Variants in ANKS1B observed in about 807,000 individuals in gnomAD.
ANKS1B encodes the protein ankyrin repeat and sterile alpha motif domain-containing protein 1B.
In ANKS1B, 36 loss-of-function variants were observed where a neutral mutation model predicts 148.3. The ratio of observed to expected loss-of-function variants is 0.24; its 90% CI spans 0.19 to 0.32. The LOEUF is 0.32. Ranked by LOEUF, ANKS1B falls within the 10% of genes least tolerant of loss-of-function variation. The pLI, the probability that ANKS1B is intolerant of heterozygous loss-of-function variation, is 1.00. For synonymous variants in ANKS1B, 542 were observed against 560.8 expected, an observed-to-expected ratio of 0.97 and a Z score of 0.47; for missense variants, 1,157 against 1,542.6, an observed-to-expected ratio of 0.75 and a Z score of 4.19.
In ANKS1B at chr12:98,736,175, T is replaced by A. The variant is rs58145072; in HGVS notation, c.691-541A>T. 5.8e-3 allele frequency among the ~76,000 whole-genome samples: 886 copies of A among 152,280 alleles called. 10 individuals are homozygous for A. The highest frequency in any genetic ancestry group is 0.02 in the African/African-American group (849 of 41,546). On this transcript the variant is annotated intron_variant, in intron 9 of 9. Transcript: ENST00000341752. ...TAGGAGTTTTGAGCAGTGGTCTGAT[T>A]TAAGCTTTAACGAATCACCCAGGCA...
intron 9 of ANKS1B, among the ~76,000 whole-genome samples, chr12:99,553,991 T>C (rs539207937): frequency 6.6e-6 from 1 of 152,266 alleles, no homozygotes; most frequent in African/African-American, 2.4e-5. Context: ...GGGGTCACAA[T>C]GTAAGTCTTC....
At chr12:99,454,247 G>GA (rs2095808230) in intron 10 of ANKS1B, among the ~76,000 whole-genome samples, 2 of 152,066 alleles carry the variant, frequency 1.3e-5, no homozygotes, top group Admixed American at 1.3e-4. Flanking sequence ...TTCTATTTAG[G>GA]AAAAAAAGTC....
At chr12:99,170,962 G>A (rs1406367943) in intron 14 of ANKS1B, among the ~76,000 whole-genome samples, 1 of 152,168 alleles carries the variant, frequency 6.6e-6, no homozygotes, top group Non-Finnish European at 1.5e-5. Flanking sequence ...TATTTTTGAA[G>A]GTACTGGTTT....
At chr12:99,222,844 T>C (rs1221271949) in intron 14 of ANKS1B, among the ~76,000 whole-genome samples, 1 of 152,182 alleles carries the variant, frequency 6.6e-6, no homozygotes, top group Non-Finnish European at 1.5e-5. Context: ...CTTCTAACAC[T>C]GGAAATTCAA....
intron 1 of ANKS1B, among the ~76,000 whole-genome samples, chr12:99,842,918 A>T (rs992056780): frequency 6.6e-6 from 1 of 152,188 alleles, no homozygotes; most frequent in East Asian, 1.9e-4. Flanking sequence ...ATAACTATTT[A>T]GTTCGTCTAC....
At chr12:98,758,779 C>CTTT (rs2098327546) in intron 25 of ANKS1B, among the ~76,000 whole-genome samples, 1 of 114,682 alleles carries the variant, frequency 8.7e-6, no homozygotes, top group African/African-American at 3.5e-5. Flanking sequence ...TCTTTTCCTT[C>CTTT]CTTTTTTTTT....
intron 9 of ANKS1B, among the ~76,000 whole-genome samples, chr12:99,526,924 G>A (rs957682935): frequency 6.6e-6 from 1 of 152,164 alleles, no homozygotes; most frequent in African/African-American, 2.4e-5. Context: ...CCAATGACAA[G>A]TGTCGTTATA....
intron 20 of ANKS1B, among the ~76,000 whole-genome samples, chr12:98,807,358 TA>T (rs1381722588): frequency 5.9e-5 from 9 of 152,032 alleles, no homozygotes; most frequent in East Asian, 5.8e-4. Flanking sequence ...CACATTTGCA[TA>T]AAATGTATAC....
Position 99,504,553 on chromosome 12 carries a change from A to C in ANKS1B, c.1361T>G (p.Leu454Arg). Residue 454 changes from leucine to arginine, a missense_variant, in exon 10 of 27, where the codon CTG becomes CGG. Physicochemically the swap from Leu to Arg is moderately radical, Grantham distance 102. This residue lies in a region of ANKS1B where 661 missense variants were observed against 642.1 expected (regional missense o/e 1.03). Transcript: ENST00000683438. Reference sequence around the variant, plus strand: ...AACAGCTGTGTCCATGAGATCACACAGAAAGTTCTCATTTTCTGAAGGAAA... The same window carrying C: ...AACAGCTGTGTCCATGAGATCACACCGAAAGTTCTCATTTTCTGAAGGAAA... ...DTFPSENENFLCDLMDTAVTK... is the reference protein window; with the variant it reads ...DTFPSENENFRCDLMDTAVTK... 6.2e-7 allele frequency: 1 copy of C among 1,613,072 alleles called. No homozygotes were observed. Among genetic ancestry groups the C allele is most frequent in the Admixed American group, 1.7e-5 (1 of 59,814 alleles).
chr12:99,270,667 G>A (rs1429509911), intron 12 of ANKS1B, among the ~76,000 whole-genome samples: 1 of 152,054 alleles, frequency 6.6e-6, no homozygotes, highest in African/African-American at 2.4e-5. Context: ...CTTAATATCA[G>A]CCTCATCTTC....
At chr12:99,356,388 T>G (rs2152410495) in intron 12 of ANKS1B, among the ~76,000 whole-genome samples, 1 of 152,214 alleles carries the variant, frequency 6.6e-6, no homozygotes, top group African/African-American at 2.4e-5. Flanking sequence ...CCAAAGTGGG[T>G]GCTGCTGACC....
In ANKS1B at chr12:98,866,051, GGTACT is replaced by G. The variant is rs577002842; in HGVS notation, c.2779-33920_2779-33916del. ...TCTAGGTTGTTGTTGTTCTTGTTAAGGTACTAAGCCCCTCCCAAAGGCCCCACCTC... is the reference window on the plus strand; with the variant it reads ...TCTAGGTTGTTGTTGTTCTTGTTAAGAAGCCCCTCCCAAAGGCCCCACCTC... On this transcript the variant is annotated intron_variant, in intron 17 of 26. Coordinates refer to ENST00000683438, the MANE Select transcript of ANKS1B (RefSeq NM_001352186.2). Among the ~76,000 whole-genome samples, 875 of 152,188 alleles carry G rather than the reference GGTACT, an allele frequency of 5.7e-3. 5 individuals carry two copies. Among genetic ancestry groups the G allele is most frequent in the Middle Eastern group, 0.02 (6 of 294 alleles).
At position 99,825,364 on chromosome 12, in the gene ANKS1B, A is replaced by G. The variant is rs1421783862; in HGVS notation, c.160T>C (p.Cys54Arg). 6.2e-7 allele frequency: 1 copy of G among 1,612,078 alleles called. No homozygotes were observed. Among genetic ancestry groups the G allele is most frequent in the Non-Finnish European group, 8.5e-7 (1 of 1,179,086 alleles). ...LSIWRGPNVN[C>R]TDSSGYTALH... is the part of the protein sequence containing the mutation. The stretch of plus-strand genomic sequence containing the variant: ...GCAGTGTAACCCGAACTGTCTGTGC[A>G]GTTCACATTGGGGCCTCGCCAGATG... Residue 54 changes from cysteine (C) to arginine (R), a missense_variant, in exon 2 of 27, where the codon TGC (cysteine) becomes CGC (arginine). Coordinates refer to ENST00000683438, the MANE Select transcript of ANKS1B (RefSeq NM_001352186.2).
At chr12:98,971,309 T>C (rs964257727) in intron 17 of ANKS1B, among the ~76,000 whole-genome samples, 3 of 152,250 alleles carry the variant, frequency 2.0e-5, no homozygotes, top group African/African-American at 7.2e-5. Context: ...ATGCCTGATG[T>C]AAATATTTGT....
chr12:99,828,666 T>C (rs975252972), intron 1 of ANKS1B, among the ~76,000 whole-genome samples: 1 of 151,772 alleles, frequency 6.6e-6, no homozygotes, highest in Non-Finnish European at 1.5e-5. Flanking sequence ...GTAAGAACAA[T>C]GAAATAAAAA....
chr12:98,884,287 T>C (rs750349624), intron 17 of ANKS1B, among the ~76,000 whole-genome samples: 2 of 152,358 alleles, frequency 1.3e-5, no homozygotes, highest in African/African-American at 2.4e-5. Flanking sequence ...TAACCTGTTA[T>C]TTTTATTTTT....
chr12:99,649,936 T>C (rs1223648618), intron 9 of ANKS1B: 1 of 154,390 alleles, frequency 6.5e-6, no homozygotes, highest in African/African-American at 2.4e-5. Context: ...CTGGATTGAC[T>C]CTGCAGTAAT....
chr12:99,331,105 TA>T (rs2087453900), intron 12 of ANKS1B, among the ~76,000 whole-genome samples: 1 of 152,054 alleles, frequency 6.6e-6, no homozygotes, highest in Non-Finnish European at 1.5e-5. Context: ...ATTTTATTTT[TA>T]TAAACTTTAT....
At chr12:99,927,131 G>T (rs534155989) in intron 1 of ANKS1B, among the ~76,000 whole-genome samples, 1 of 152,088 alleles carries the variant, frequency 6.6e-6, no homozygotes, top group South Asian at 2.1e-4. Flanking sequence ...AAATGAAGGA[G>T]ACACACTGAA....
Sources: allele counts gnomAD v4.1 joint callset (sites outside exome capture counted in the v4.1 genomes callset), GRCh38; gene constraint gnomAD v4.1.1; regional missense constraint gnomAD v4.1.1; transcripts MANE v1.5; gene names NCBI Gene and HGNC (gene_info 2026-07-23, HGNC 2026-07-21).